The following TEX11 variants were observed in gnomAD, a reference collection of about 807,000 sequenced individuals.
TEX11 encodes testis-expressed protein 11.
In TEX11, 7 loss-of-function variants were observed where a neutral mutation model predicts 84.4. That is an observed-to-expected ratio of 0.08 (90% CI 0.05 to 0.16). The LOEUF is 0.16. Among genes scored for constraint, TEX11 ranks in the 10% least tolerant of loss-of-function variants. TEX11 has a pLI of 1.00. For missense variants in TEX11, 551 were observed against 660.5 expected, an observed-to-expected ratio of 0.83 and a Z score of 1.82; for synonymous variants, 264 against 222.8, an observed-to-expected ratio of 1.18 and a Z score of -1.64.
intron 28 of TEX11, among the ~76,000 whole-genome samples, chrX:70,544,528 AT>A (rs1208921291): frequency 2.7e-5 from 3 of 111,255 alleles, no homozygotes; most frequent in African/African-American, 9.8e-5. Flanking sequence ...GTCTCAAAAA[AT>A]ATATAAATAT....
intron 13 of TEX11, among the ~76,000 whole-genome samples, chrX:70,698,087 A>G (rs2090295950): frequency 9.0e-6 from 1 of 111,480 alleles, no homozygotes; most frequent in African/African-American, 3.3e-5. Flanking sequence ...GGTACATACA[A>G]TAGTTTGACA....
At chrX:70,602,901 A>C (rs1468566244) in intron 24 of TEX11, among the ~76,000 whole-genome samples, 2 of 76,785 alleles carry the variant, frequency 2.6e-5, no homozygotes, top group Non-Finnish European at 4.9e-5. Flanking sequence ...ATTCTTATAC[A>C]CCAATAACAG....
chrX:70,664,010 T>C (rs2089954719), intron 16 of TEX11, among the ~76,000 whole-genome samples: 1 of 112,105 alleles, frequency 8.9e-6, no homozygotes, highest in Non-Finnish European at 1.9e-5. Context: ...CTGTAAATAG[T>C]AGTTACACTG....
intron 14 of TEX11, among the ~76,000 whole-genome samples, chrX:70,680,624 G>C (rs765160113): frequency 9.4e-6 from 1 of 106,396 alleles, no homozygotes; most frequent in African/African-American, 3.5e-5. Context: ...ATTAAGTAAA[G>C]AGAGCTAACT....
At chrX:70,619,924 TCAGCCTCCCGAGTAGCTGGGACTA>T (rs2089364223) in intron 20 of TEX11, among the ~76,000 whole-genome samples, 1 of 108,986 alleles carries the variant, frequency 9.2e-6, no homozygotes, top group East Asian at 2.9e-4. Context: ...TTCTCCTGCC[TCAGCCTCCCGAGTAGCTGGGACTA>T]CAGCCTCCCG....
At chrX:70,642,255 T>G (rs937806345) in intron 17 of TEX11, among the ~76,000 whole-genome samples, 1 of 111,556 alleles carries the variant, frequency 9.0e-6, no homozygotes, top group African/African-American at 3.3e-5. Flanking sequence ...AATAACAGGA[T>G]CTGATATTGT....
chrX:70,516,553 G>A, the TEX11 span, among the ~76,000 whole-genome samples: 9 of 111,865 alleles, frequency 8.0e-5, no homozygotes, highest in East Asian at 5.6e-4. Context: ...GTCAGGTAGC[G>A]TGATGCCTCA....
downstream of TEX11, chrX:70,528,867 T>C (rs759530209): frequency 3.1e-5 from 12 of 389,647 alleles, no homozygotes; most frequent in Non-Finnish European, 4.4e-6. Flanking sequence ...TGCTCTCACA[T>C]GGTCTATTTC....
chrX:70,750,931 AAAAT>A (rs1276359213), intron 9 of TEX11, among the ~76,000 whole-genome samples: 409 of 21,927 alleles, frequency 0.019, 4 homozygotes, highest in African/African-American at 0.054. Context: ...TAAAAAAAAA[AAAAT>A]ATATATATAT....
the TEX11 span, among the ~76,000 whole-genome samples, chrX:70,517,631 A>C: frequency 6.6e-3 from 733 of 110,640 alleles, 5 homozygotes; most frequent in African/African-American, 0.023. Context: ...ATGATGCTGG[A>C]CTCATAAAAT....
intron 25 of TEX11, among the ~76,000 whole-genome samples, chrX:70,582,906 G>A (rs777706561): frequency 7.3e-4 from 79 of 108,153 alleles, no homozygotes; most frequent in Middle Eastern, 4.8e-3. Context: ...CCACCACACC[G>A]AGCTAATTTT....
chrX:70,766,949 A>G (rs1042073080), intron 9 of TEX11, among the ~76,000 whole-genome samples: 1 of 112,048 alleles, frequency 8.9e-6, no homozygotes, highest in Non-Finnish European at 1.9e-5. Flanking sequence ...ATCTCTCATC[A>G]TATACAAAAA....
At chrX:70,788,735 A>G (rs1156914428) in intron 9 of TEX11, among the ~76,000 whole-genome samples, 2 of 85,567 alleles carry the variant, frequency 2.3e-5, no homozygotes, top group African/African-American at 8.9e-5. Context: ...CACACAGGGG[A>G]AAAACTACAT....
At chrX:70,529,634 C>G (rs973666536) in intron 29 of TEX11, among the ~76,000 whole-genome samples, 2 of 111,956 alleles carry the variant, frequency 1.8e-5, no homozygotes, top group Middle Eastern at 4.2e-3. Context: ...TCCCCCTGTT[C>G]TCTGTCCTTC....
intron 25 of TEX11, among the ~76,000 whole-genome samples, chrX:70,590,422 C>T (rs956838510): frequency 2.7e-5 from 3 of 111,374 alleles, no homozygotes; most frequent in Non-Finnish European, 5.7e-5. Flanking sequence ...TAATAACATA[C>T]TATGACCAAA....
intron 9 of TEX11, among the ~76,000 whole-genome samples, chrX:70,771,201 C>T (rs2090970019): frequency 8.9e-6 from 1 of 112,710 alleles, no homozygotes; most frequent in African/African-American, 3.2e-5. Flanking sequence ...CTCCCTTTCT[C>T]TGCATTGAGA....
At chrX:70,622,334 A>G (rs1346107314) in intron 20 of TEX11, among the ~76,000 whole-genome samples, 3 of 112,253 alleles carry the variant, frequency 2.7e-5, no homozygotes, top group African/African-American at 9.7e-5. Context: ...CACTGCATTT[A>G]CTTGAAAACA....
chrX:70,893,266 T>C (rs2091748770), intron 2 of TEX11, among the ~76,000 whole-genome samples: 1 of 111,684 alleles, frequency 9.0e-6, no homozygotes, highest in South Asian at 3.7e-4. Context: ...CGGCACCACA[T>C]AGCACTTATT....
At chrX:70,741,937 T>A (rs143170993) in intron 10 of TEX11, among the ~76,000 whole-genome samples, 2 of 112,095 alleles carry the variant, frequency 1.8e-5, no homozygotes, top group East Asian at 5.6e-4. Context: ...TCTAGTAGTG[T>A]TTTTTAAATT....
Sources: gnomAD v4.1 joint callset for allele counts (sites outside exome capture counted in the v4.1 genomes callset) on GRCh38, gnomAD v4.1.1 for gene constraint, MANE v1.5 for transcripts, NCBI Gene and HGNC (gene_info 2026-07-23, HGNC 2026-07-21) for gene names.